The following TBPL1 variants were observed in gnomAD, a reference collection of about 807,000 sequenced individuals.
TBPL1 encodes the protein TATA box-binding protein-like 1.
Under a neutral mutation model 22.1 loss-of-function variants are expected in TBPL1, and 4 were observed. The ratio of observed to expected loss-of-function variants is 0.18; its 90% CI spans 0.09 to 0.41. TBPL1 has a LOEUF of 0.41. Ranked by LOEUF, TBPL1 falls within the 10% of genes least tolerant of loss-of-function variation. The pLI is 1.00. For synonymous variants in TBPL1, 64 were observed against 71.0 expected (o/e 0.90, Z 0.50); for missense variants, 115 against 222.3 (o/e 0.52, Z 3.07).
intron 1 of TBPL1, among the ~76,000 whole-genome samples, chr6:133,979,431 T>C (rs574310784): frequency 6.6e-6 from 1 of 152,300 alleles, no homozygotes; most frequent in South Asian, 2.1e-4. Flanking sequence ...GTCCAACCCT[T>C]GAACGTGGTG....
chr6:133,988,503 G>A lies in TBPL1; in HGVS notation c.*1463G>A, dbSNP rs897757775. ...GTTTTTAAACCTTTGTGGAAAAATTGCAACATCCTAATCTCCATATATAGT... is the reference window on the plus strand; with the variant it reads ...GTTTTTAAACCTTTGTGGAAAAATTACAACATCCTAATCTCCATATATAGT... On this transcript the variant is annotated 3_prime_UTR_variant, in exon 7 of 7. Transcript: ENST00000237264. 1 of 152,118 alleles carries A rather than the reference G, an allele frequency of 6.6e-6. No homozygotes were observed. Among genetic ancestry groups the A allele is most frequent in the Non-Finnish European group, 1.5e-5 (1 of 67,994 alleles). The allele number at this position is 152,118 out of a possible 1,614,324, so 9.4% of individuals were successfully genotyped here.
At position 133,974,365 on chromosome 6, in the gene TBPL1, G is replaced by C. The variant is rs147621895; in HGVS notation, c.-44-5717G>C. ...TATTTCTTTTTTGAGATGGAGTCTT[G>C]CTCTGTCACCCAGGTTGGAGTGCAG... On this transcript the variant is annotated intron_variant, in intron 1 of 6. Coordinates refer to ENST00000237264, the MANE Select transcript of TBPL1 (RefSeq NM_004865.4). Among the ~76,000 whole-genome samples, 1,283 of 152,220 alleles carry C rather than the reference G, an allele frequency of 8.4e-3. 38 individuals carry two copies. Among genetic ancestry groups the C allele is most frequent in the Admixed American group, 0.062 (948 of 15,284 alleles).
chr6:133,970,978 A>G (rs1041221131), intron 1 of TBPL1, among the ~76,000 whole-genome samples: 2 of 152,232 alleles, frequency 1.3e-5, no homozygotes, highest in South Asian at 4.1e-4. Flanking sequence ...TAGCTATTTT[A>G]TGATATACTT....
At chr6:133,955,764 A>G (rs1233172498) in intron 1 of TBPL1, among the ~76,000 whole-genome samples, 1 of 152,216 alleles carries the variant, frequency 6.6e-6, no homozygotes, top group East Asian at 1.9e-4. Context: ...TTTAAATTGA[A>G]CCTTAGATTT....
intron 1 of TBPL1, among the ~76,000 whole-genome samples, chr6:133,957,404 G>A (rs1207860661): frequency 1.3e-5 from 2 of 152,192 alleles, no homozygotes; most frequent in Admixed American, 6.5e-5. Flanking sequence ...GCACAAGATA[G>A]ACATCTGTGT....
intron 1 of TBPL1, among the ~76,000 whole-genome samples, chr6:133,976,797 G>A (rs1425452273): frequency 1.3e-5 from 2 of 152,102 alleles, no homozygotes; most frequent in Middle Eastern, 3.4e-3. Context: ...GAGCAACCTG[G>A]CCAAGATGGT....
rs376065284 is a variant in TBPL1 at position 133,980,113 on chromosome 6, T to C, written c.-13T>C. Reference sequence around the variant, plus strand: ...ATCTTCGTGGTGGAAAGCTAAATTTTAAAACCACCCCAATGGATGCAGACA... The same window carrying C: ...ATCTTCGTGGTGGAAAGCTAAATTTCAAAACCACCCCAATGGATGCAGACA... On this transcript the variant is annotated 5_prime_UTR_variant, in exon 2 of 7. Coordinates refer to ENST00000237264, the MANE Select transcript of TBPL1 (RefSeq NM_004865.4). 65 of 1,487,048 alleles carry C rather than the reference T, an allele frequency of 4.4e-5. No individual in the cohort carries two copies. The highest frequency in any genetic ancestry group is 4.2e-5 in the Non-Finnish European group (47 of 1,116,492). The allele number at this position is 1,487,048 out of a possible 1,614,324, so 92.1% of individuals were successfully genotyped here. A position where few individuals can be genotyped will look rare whatever the true frequency, so the allele number is the denominator to read the frequency against.
intron 1 of TBPL1, among the ~76,000 whole-genome samples, chr6:133,954,080 T>C (rs1332611542): frequency 2.6e-5 from 4 of 152,082 alleles, no homozygotes; most frequent in African/African-American, 9.7e-5. Flanking sequence ...GCCCTAAAAG[T>C]AAATCTAATA....
chr6:133,957,410 T>C (rs1233574252), intron 1 of TBPL1, among the ~76,000 whole-genome samples: 2 of 152,250 alleles, frequency 1.3e-5, no homozygotes, highest in East Asian at 3.8e-4. Flanking sequence ...GATAGACATC[T>C]GTGTGTAGAC....
At chr6:133,968,598 G>T (rs1046243088) in intron 1 of TBPL1, among the ~76,000 whole-genome samples, 1 of 152,186 alleles carries the variant, frequency 6.6e-6, no homozygotes, top group Non-Finnish European at 1.5e-5. Context: ...GAGAACAGGA[G>T]CAGTTCAGAA....
intron 3 of TBPL1, 40 bp downstream of exon 3, chr6:133,982,690 T>G (rs1413223053): frequency 6.9e-6 from 11 of 1,599,538 alleles, no homozygotes; most frequent in Non-Finnish European, 9.4e-6. Flanking sequence ...TTTTTTACTT[T>G]TTCCCTCATG....
Position 133,982,631 on chromosome 6 carries a change from A to G in TBPL1, c.199A>G (p.Ile67Val), listed in dbSNP as rs1179076255. 2 of 1,613,446 alleles carry G rather than the reference A, an allele frequency of 1.2e-6. No individual in the cohort carries two copies. Among genetic ancestry groups the G allele is most frequent in the Non-Finnish European group, 1.7e-6 (2 of 1,179,806 alleles). Residue 67 changes from isoleucine to valine, a missense_variant, in exon 3 of 7, where the codon ATT becomes GTT. Physicochemically the swap from Ile to Val is conservative, Grantham distance 29. Coordinates refer to ENST00000237264, the MANE Select transcript of TBPL1 (RefSeq NM_004865.4). ...TATIWSSGKI[I>V]CTGATSEEEA... Reference sequence around the variant, plus strand: ...TACAATTTGGTCCTCAGGAAAAATTATTTGCACTGGAGCAACAAGGTAAAT... The same window carrying G: ...TACAATTTGGTCCTCAGGAAAAATTGTTTGCACTGGAGCAACAAGGTAAAT...
chr6:133,964,853 G>C (rs960058051), intron 1 of TBPL1, among the ~76,000 whole-genome samples: 1 of 152,174 alleles, frequency 6.6e-6, no homozygotes, highest in African/African-American at 2.4e-5. Flanking sequence ...GTCTATGCTA[G>C]AGCATTTTAT....
At chr6:133,957,502 T>G (rs1333335270) in intron 1 of TBPL1, among the ~76,000 whole-genome samples, 3 of 152,246 alleles carry the variant, frequency 2.0e-5, no homozygotes, top group Non-Finnish European at 2.9e-5. Flanking sequence ...AAAATTTGTT[T>G]CCATTAATAA....
At chr6:133,956,064 G>A (rs1374970940) in intron 1 of TBPL1, among the ~76,000 whole-genome samples, 1 of 152,164 alleles carries the variant, frequency 6.6e-6, no homozygotes, top group Non-Finnish European at 1.5e-5. Context: ...ATCTAGTTGA[G>A]TGAACATGAG....
Position 133,982,829 on chromosome 6 carries a change from T to G in TBPL1, c.231T>G (p.Ala77=), listed in dbSNP as rs1328046503. Residue 77 remains alanine (A), a synonymous_variant, in exon 4 of 7, where the codon GCT becomes GCG. Coordinates refer to ENST00000237264, the MANE Select transcript of TBPL1 (RefSeq NM_004865.4). ...ICTGATSEEE[A]KFGARRLARS... The stretch of plus-strand genomic sequence containing the variant: ...CTTAAAACCGTAGTGAAGAAGAAGC[T>G]AAATTTGGTGCCAGACGCTTAGCCC... 3.6e-5 allele frequency: 58 copies of G among 1,611,052 alleles called. No individual in the cohort carries two copies. Among genetic ancestry groups the G allele is most frequent in the Non-Finnish European group, 4.7e-5 (56 of 1,179,314 alleles).
At chr6:133,965,831 T>C (rs1448735984) in intron 1 of TBPL1, among the ~76,000 whole-genome samples, 1 of 152,218 alleles carries the variant, frequency 6.6e-6, no homozygotes, top group Non-Finnish European at 1.5e-5. Context: ...GGAGATATAA[T>C]AATAGTAACA....
intron 4 of TBPL1, among the ~76,000 whole-genome samples, chr6:133,983,132 C>T (rs1776445593): frequency 6.6e-6 from 1 of 152,170 alleles, no homozygotes; most frequent in African/African-American, 2.4e-5. Context: ...AAGTTAATTT[C>T]CTTTTCAACT....
chr6:133,981,749 T>A (rs1170809903), intron 2 of TBPL1, among the ~76,000 whole-genome samples: 2 of 151,978 alleles, frequency 1.3e-5, no homozygotes, highest in Admixed American at 1.3e-4. Flanking sequence ...GATTCATTTA[T>A]GTTAGTCAGT....
Sources: allele counts gnomAD v4.1 joint callset (sites outside exome capture counted in the v4.1 genomes callset), GRCh38; gene constraint gnomAD v4.1.1; transcripts MANE v1.5; gene names NCBI Gene and HGNC (gene_info 2026-07-23, HGNC 2026-07-21).